ZKSCAN1: variants seen among roughly 807,000 people sequenced by gnomAD.
The protein encoded by ZKSCAN1 is zinc finger with KRAB and SCAN domains 1, also known as zinc finger protein with KRAB and SCAN domains 1.
In ZKSCAN1, 14 loss-of-function variants were observed where a neutral mutation model predicts 51.6. The ratio of observed to expected loss-of-function variants is 0.27; its 90% CI spans 0.18 to 0.42. The LOEUF (loss-of-function observed/expected upper bound fraction) is 0.42, where lower values mean the gene tolerates loss of function less well. Among genes scored for constraint, ZKSCAN1 ranks in the 10% least tolerant of loss-of-function variants. The pLI, the probability that ZKSCAN1 is intolerant of heterozygous loss-of-function variation, is 1.00. For missense variants in ZKSCAN1, 531 were observed against 710.0 expected (o/e 0.75, Z 2.86); for synonymous variants, 263 against 261.5 (o/e 1.01, Z -0.06).
chr7:100,030,078 C>T, intron 4 of ZKSCAN1, 126 bp downstream of exon 4: 1 of 1,387,464 alleles, frequency 7.2e-7, no homozygotes. Flanking sequence ...CCTGTCCTCT[C>T]CTTTTAGCAT....
At chr7:100,023,389 C>T (rs1562818776) in intron 1 of ZKSCAN1, 30 bp from the exon 2 acceptor site, 7 of 1,154,796 alleles carry the variant, frequency 6.1e-6, no homozygotes, top group East Asian at 2.4e-5. Context: ...TGTAAAGGTA[C>T]GTACTAATGA....
intron 1 of ZKSCAN1, among the ~76,000 whole-genome samples, chr7:100,020,747 C>T (rs796983723): frequency 7.9e-5 from 12 of 152,280 alleles, no homozygotes; most frequent in African/African-American, 2.6e-4. Flanking sequence ...AGCCATAAAA[C>T]TAAAAATGCT....
chr7:100,019,725 G>A (rs1790521254), intron 1 of ZKSCAN1, among the ~76,000 whole-genome samples: 1 of 151,070 alleles, frequency 6.6e-6, no homozygotes, highest in Admixed American at 6.6e-5. Context: ...TTTTTGAGAT[G>A]GAGTCTCACT....
rs2116003318 is a variant in ZKSCAN1 at position 100,041,177 on chromosome 7, T to G, written c.*6980T>G. 1.4e-6 allele frequency: 1 copy of G among 732,114 alleles called. No individual in the cohort carries two copies. The allele number at this position is 732,114 out of a possible 1,614,324, so 45.4% of individuals were successfully genotyped here. ...TGTCCTGTTTTGTCAGTTCCCAGCT[T>G]CTTCGTTTAGAATAAATTAGACCAA... On this transcript the variant is annotated 3_prime_UTR_variant, in exon 6 of 6. Transcript: ENST00000324306.
intron 1 of ZKSCAN1, among the ~76,000 whole-genome samples, chr7:100,017,688 G>A (rs569984713): frequency 3.9e-5 from 6 of 152,292 alleles, no homozygotes; most frequent in Non-Finnish European, 2.9e-5. Context: ...ATTTAAAGTG[G>A]ATGGTATGTC....
chr7:100,018,825 C>T (rs1475568878), intron 1 of ZKSCAN1, among the ~76,000 whole-genome samples: 1 of 152,142 alleles, frequency 6.6e-6, no homozygotes, highest in Non-Finnish European at 1.5e-5. Context: ...TTCCCTGCAC[C>T]CCAGAGTAGG....
At chr7:100,025,949 A>G (rs1325631667) in intron 3 of ZKSCAN1, among the ~76,000 whole-genome samples, 1 of 152,104 alleles carries the variant, frequency 6.6e-6, no homozygotes, top group Non-Finnish European at 1.5e-5. Context: ...GGCTGAGCGC[A>G]GTGGCTCACA....
intron 4 of ZKSCAN1, 21 bp from the exon 5 acceptor site, chr7:100,030,228 G>C: frequency 6.2e-7 from 1 of 1,610,508 alleles, no homozygotes; most frequent in Non-Finnish European, 8.5e-7. Context: ...GGAAATGACT[G>C]TTTGTCTCGT....
At chr7:100,027,645 G>A (rs1422659809) in intron 3 of ZKSCAN1, among the ~76,000 whole-genome samples, 1 of 151,042 alleles carries the variant, frequency 6.6e-6, no homozygotes, top group African/African-American at 2.4e-5. Context: ...CTACTCAGGA[G>A]GCTGAGGCAG....
At chr7:100,041,922 A>G (rs1385832399), downstream of ZKSCAN1, among the ~76,000 whole-genome samples, 1 of 152,180 alleles carries the variant, frequency 6.6e-6, no homozygotes, top group African/African-American at 2.4e-5. Context: ...TTCCAAAGTT[A>G]ACCTGAAAAA....
In ZKSCAN1 at chr7:100,040,320, G is replaced by T; in HGVS notation, c.*6123G>T. On this transcript the variant is annotated 3_prime_UTR_variant, in exon 6 of 6. Coordinates refer to ENST00000324306, the MANE Select transcript of ZKSCAN1 (RefSeq NM_003439.4). ...GGTGTTTGGTAGACTTCTAAATCAT[G>T]GTCTCTGACAATTTGAATCTGAGAT... 1 of 985,388 alleles carries T rather than the reference G, an allele frequency of 1.0e-6. No homozygotes were observed. The highest frequency in any genetic ancestry group is 1.2e-6 in the Non-Finnish European group (1 of 829,934). The allele number at this position is 985,388 out of a possible 1,614,324, so 61.0% of individuals were successfully genotyped here.
At position 100,023,858 on chromosome 7, in the gene ZKSCAN1, G is replaced by A; in HGVS notation, c.352G>A (p.Glu118Lys). 6.2e-7 allele frequency: 1 copy of A among 1,613,858 alleles called. No individual in the cohort carries two copies. The highest frequency in any genetic ancestry group is 8.5e-7 in the Non-Finnish European group (1 of 1,180,030). The stretch of plus-strand genomic sequence containing the variant: ...CAAGGAGCTCCAGGTCTGGCTGCAG[G>A]AATACCGCCCCGATAGTGGAGAGGA... ...LPKELQVWLQ[E>K]YRPDSGEEAV... Residue 118 changes from glutamate to lysine, a missense_variant, in exon 2 of 6, where the codon GAA becomes AAA. By Grantham distance (56) the Glu-to-Lys change is moderately conservative. Transcript: ENST00000324306.
chr7:100,023,679 G>A lies in ZKSCAN1; in HGVS notation c.173G>A (p.Arg58His), dbSNP rs777258440. ...CCAGACCCAGAGATATTCCGCCAAC[G>A]CTTCAGGCGCTTCTGTTACCAGAAC... ...PPPDPEIFRQ[R>H]FRRFCYQNTF... Residue 58 changes from arginine to histidine, a missense_variant, in exon 2 of 6, where the codon CGC becomes CAC. Around this residue, in one of 2 missense-constraint regions of ZKSCAN1, gnomAD observed 403 missense variants for 490.5 expected, o/e 0.82. Coordinates refer to ENST00000324306, the MANE Select transcript of ZKSCAN1 (RefSeq NM_003439.4). 3.7e-6 allele frequency: 6 copies of A among 1,614,030 alleles called. No individual in the cohort carries two copies. The highest frequency in any genetic ancestry group is 1.7e-5 in the Admixed American group (1 of 60,004).
In ZKSCAN1 at chr7:100,038,415, T is replaced by C; in HGVS notation, c.*4218T>C. ...GTTTGGTGCTTATCACATCAAGAGA[T>C]TGGTAAATTTCTGAGGAAAGACAGG... On this transcript the variant is annotated 3_prime_UTR_variant, in exon 6 of 6. Coordinates refer to ENST00000324306, the MANE Select transcript of ZKSCAN1 (RefSeq NM_003439.4). 2.0e-6 allele frequency: 2 copies of C among 985,346 alleles called. No homozygotes were observed. Among genetic ancestry groups the C allele is most frequent in the Non-Finnish European group, 2.4e-6 (2 of 829,910 alleles). 61.0% of individuals were successfully genotyped at this position (985,346 alleles called of 1,614,324 possible).
In ZKSCAN1 at chr7:100,034,042, C is replaced by T. The variant is rs748781155; in HGVS notation, c.1537C>T (p.Arg513Ter). 1.9e-6 allele frequency: 3 copies of T among 1,613,968 alleles called. No homozygotes were observed. Among genetic ancestry groups the T allele is most frequent in the Admixed American group, 1.7e-5 (1 of 59,986 alleles). Reference protein sequence around the residue: ...YLILHRRIHTREKPYKCTKCG... With the variant: ...YLILHRRIHT The stretch of plus-strand genomic sequence containing the variant: ...GATTTTGCATCGGAGAATTCACACT[C>T]GAGAAAAGCCCTACAAGTGCACTAA... Residue 513 changes from arginine (R) to a stop codon, truncating the protein, a stop_gained, in exon 6 of 6, where the codon CGA becomes TGA. Transcript: ENST00000324306. LOFTEE classifies it high-confidence loss of function.
chr7:100,040,662 G>A lies in ZKSCAN1; in HGVS notation c.*6465G>A. 1 of 985,476 alleles carries A rather than the reference G, an allele frequency of 1.0e-6. No homozygotes were observed. Among genetic ancestry groups the A allele is most frequent in the Non-Finnish European group, 1.2e-6 (1 of 829,952 alleles). 61.0% of individuals were successfully genotyped at this position (985,476 alleles called of 1,614,324 possible). On this transcript the variant is annotated 3_prime_UTR_variant, in exon 6 of 6. Coordinates refer to ENST00000324306, the MANE Select transcript of ZKSCAN1 (RefSeq NM_003439.4). ...TGCAGTATGGAAGGAGAAGGGGGAAGAGGACGGTAACGGCCCCACACTCCA... is the reference window on the plus strand; with the variant it reads ...TGCAGTATGGAAGGAGAAGGGGGAAAAGGACGGTAACGGCCCCACACTCCA...
At chr7:100,030,003 C>T in intron 4 of ZKSCAN1, 51 bp downstream of exon 4, 1 of 1,592,256 alleles carries the variant, frequency 6.3e-7, no homozygotes, top group Non-Finnish European at 8.6e-7. Context: ...TGCCTCTGTT[C>T]CTGAGCTCTC....
chr7:100,020,691 T>C (rs544309508), intron 1 of ZKSCAN1, among the ~76,000 whole-genome samples: 10 of 152,210 alleles, frequency 6.6e-5, no homozygotes, highest in Non-Finnish European at 1.5e-4. Flanking sequence ...TGCTGTTATA[T>C]GTACATGATC....
At chr7:100,025,537 A>C (rs899726915) in intron 3 of ZKSCAN1, among the ~76,000 whole-genome samples, 4 of 152,246 alleles carry the variant, frequency 2.6e-5, no homozygotes, top group Non-Finnish European at 5.9e-5. Flanking sequence ...GTATGTGCTT[A>C]GAATGTAAAG....
Sources: allele counts gnomAD v4.1 joint callset (sites outside exome capture counted in the v4.1 genomes callset), GRCh38; gene constraint gnomAD v4.1.1; regional missense constraint gnomAD v4.1.1; transcripts MANE v1.5; gene names NCBI Gene and HGNC (gene_info 2026-07-23, HGNC 2026-07-21).